The following PAM variants were observed in gnomAD, a reference collection of about 807,000 sequenced individuals.
The protein encoded by PAM is peptidylglycine alpha-amidating monooxygenase, also known as peptidyl-glycine alpha-amidating monooxygenase.
Under a neutral mutation model 122.1 loss-of-function variants are expected in PAM, and 72 were observed. That is an observed-to-expected ratio of 0.59 (90% CI 0.49 to 0.72). The LOEUF is 0.72. Among genes scored for constraint, PAM ranks in the 30% least tolerant of loss-of-function variants. The pLI is 0.00. For missense variants in PAM, 1,106 were observed against 1,183.7 expected, an observed-to-expected ratio of 0.93 and a Z score of 0.96; for synonymous variants, 389 against 404.4, an observed-to-expected ratio of 0.96 and a Z score of 0.46.
At chr5:102,860,918 G>T (rs760804098) in intron 1 of PAM, among the ~76,000 whole-genome samples, 1 of 152,082 alleles carries the variant, frequency 6.6e-6, no homozygotes, top group African/African-American at 2.4e-5. Flanking sequence ...GCCCTGGGTG[G>T]TCTTCTCCTT....
At chr5:102,878,641 G>A (rs189157589) in intron 3 of PAM, among the ~76,000 whole-genome samples, 219 of 152,194 alleles carry the variant, frequency 1.4e-3, no homozygotes, top group Non-Finnish European at 2.7e-3. Context: ...GGATGTGGAG[G>A]TGGAAGATAG....
At chr5:102,827,452 A>G (rs2150382673) in intron 1 of PAM, among the ~76,000 whole-genome samples, 1 of 152,172 alleles carries the variant, frequency 6.6e-6, no homozygotes, top group East Asian at 1.9e-4. Context: ...TTTTTTATAC[A>G]CCTTCCTGAT....
At chr5:102,776,004 GGT>G (rs1757073267) in intron 1 of PAM, among the ~76,000 whole-genome samples, 1 of 151,984 alleles carries the variant, frequency 6.6e-6, no homozygotes, top group African/African-American at 2.4e-5. Flanking sequence ...CAGCATCTGT[GGT>G]TTCTTGACTT....
intron 3 of PAM, among the ~76,000 whole-genome samples, chr5:102,879,811 C>T (rs548495808): frequency 3.4e-4 from 52 of 152,202 alleles, no homozygotes; most frequent in Admixed American, 7.2e-4. Flanking sequence ...CAATTGCTTC[C>T]GATATTTAGT....
At chr5:102,880,638 G>C (rs1790682387) in intron 3 of PAM, among the ~76,000 whole-genome samples, 1 of 152,036 alleles carries the variant, frequency 6.6e-6, no homozygotes, top group South Asian at 2.1e-4. Context: ...TGACTCTTTA[G>C]TAGTATCCAG....
intron 3 of PAM, among the ~76,000 whole-genome samples, chr5:102,893,936 G>A (rs1392953408): frequency 6.6e-6 from 1 of 151,508 alleles, no homozygotes; most frequent in South Asian, 2.1e-4. Flanking sequence ...CAAGCTCTTC[G>A]GTTTTTGTCG....
At chr5:103,011,723 G>A (rs1780695292) in intron 21 of PAM, among the ~76,000 whole-genome samples, 1 of 152,148 alleles carries the variant, frequency 6.6e-6, no homozygotes, top group Non-Finnish European at 1.5e-5. Context: ...TGCAACAAAC[G>A]TGGGAGTTTA....
intron 4 of PAM, among the ~76,000 whole-genome samples, chr5:102,904,413 T>C (rs897972141): frequency 1.3e-5 from 2 of 151,592 alleles, no homozygotes; most frequent in Non-Finnish European, 3.0e-5. Context: ...AATAATTGCT[T>C]GCTGAATGCG....
chr5:103,020,795 G>A (rs1459161582), intron 23 of PAM, among the ~76,000 whole-genome samples: 1 of 152,090 alleles, frequency 6.6e-6, no homozygotes, highest in Non-Finnish European at 1.5e-5. Flanking sequence ...CAGCAAGGGG[G>A]AGTTTAAGGA....
intron 1 of PAM, chr5:102,865,148 A>G (rs1052387791): frequency 1.3e-5 from 2 of 152,226 alleles, no homozygotes; most frequent in Admixed American, 1.3e-4. Flanking sequence ...TATTTTGCTT[A>G]TGAGATGCAG....
intron 9 of PAM, among the ~76,000 whole-genome samples, chr5:102,949,284 T>C (rs1485046583): frequency 1.3e-5 from 2 of 152,144 alleles, no homozygotes; most frequent in Non-Finnish European, 2.9e-5. Context: ...AGCCTATGTT[T>C]TCACTAACAG....
chr5:102,868,912 G>A (rs371744162), intron 3 of PAM, among the ~76,000 whole-genome samples: 1 of 152,130 alleles, frequency 6.6e-6, no homozygotes, highest in African/African-American at 2.4e-5. Flanking sequence ...TCATGGAGGA[G>A]CTCCATTTTC....
chr5:102,788,769 C>G (rs1482002461), intron 1 of PAM, among the ~76,000 whole-genome samples: 1 of 152,072 alleles, frequency 6.6e-6, no homozygotes, highest in African/African-American at 2.4e-5. Flanking sequence ...TTGCTTTGTT[C>G]TTATTCCATT....
At chr5:102,956,056 A>G (rs1760625884) in intron 12 of PAM, among the ~76,000 whole-genome samples, 1 of 152,064 alleles carries the variant, frequency 6.6e-6, no homozygotes, top group Non-Finnish European at 1.5e-5. Context: ...GGAATAAAGT[A>G]TGACTCTTTT....
chr5:102,950,502 G>A (rs1477563689), intron 11 of PAM, among the ~76,000 whole-genome samples: 1 of 151,438 alleles, frequency 6.6e-6, no homozygotes. Context: ...CATTATTAAA[G>A]CATGGGGTTC....
At chr5:102,928,148 C>A (rs536221832) in intron 7 of PAM, among the ~76,000 whole-genome samples, 16 of 152,304 alleles carry the variant, frequency 1.1e-4, no homozygotes, top group Middle Eastern at 3.4e-3. Flanking sequence ...CATACTGGCG[C>A]AGGTTCCCGC....
At chr5:102,815,776 G>C (rs978691708) in intron 1 of PAM, among the ~76,000 whole-genome samples, 2 of 152,156 alleles carry the variant, frequency 1.3e-5, no homozygotes, top group African/African-American at 4.8e-5. Flanking sequence ...TGAAAGACTG[G>C]TGGTGCAGAA....
At chr5:102,811,242 A>G (rs1205645104) in intron 1 of PAM, among the ~76,000 whole-genome samples, 1 of 152,244 alleles carries the variant, frequency 6.6e-6, no homozygotes, top group African/African-American at 2.4e-5. Flanking sequence ...TCTCTTGGTT[A>G]CAAGTCTGAC....
intron 1 of PAM, among the ~76,000 whole-genome samples, chr5:102,770,959 CGTTT>C (rs980154405): frequency 1.3e-5 from 2 of 151,758 alleles, no homozygotes; most frequent in African/African-American, 4.8e-5. Context: ...CTAGGTTTTT[CGTTT>C]GTTTGTTTTA....
Sources: allele counts gnomAD v4.1 joint callset (sites outside exome capture counted in the v4.1 genomes callset), GRCh38; gene constraint gnomAD v4.1.1; transcripts MANE v1.5; gene names NCBI Gene and HGNC (gene_info 2026-07-23, HGNC 2026-07-21).